Variants in CDH4 observed in about 807,000 individuals in gnomAD.
CDH4 encodes cadherin-4.
CDH4 carries 33 observed loss-of-function variants against 86.0 expected under a neutral mutation model. That is an observed-to-expected ratio of 0.38 (90% CI 0.29 to 0.51). CDH4 has a LOEUF of 0.51. Among genes scored for constraint, CDH4 ranks in the 20% least tolerant of loss-of-function variants. The probability of loss-of-function intolerance (pLI) is 0.86; values close to 1 mark genes in which losing one functional copy is unlikely to be tolerated. For synonymous variants in CDH4, 555 were observed against 549.4 expected, an observed-to-expected ratio of 1.01 and a Z score of -0.14; for missense variants, 1,114 against 1,307.4, an observed-to-expected ratio of 0.85 and a Z score of 2.28.
At chr20:61,258,759 C>G (rs1050055129) in intron 2 of CDH4, among the ~76,000 whole-genome samples, 3 of 152,210 alleles carry the variant, frequency 2.0e-5, no homozygotes, top group African/African-American at 7.2e-5. Context: ...TTTAGTGTGT[C>G]ATTTAGTGCC....
intron 2 of CDH4, among the ~76,000 whole-genome samples, chr20:61,522,612 C>T (rs908480062): frequency 1.3e-5 from 2 of 152,188 alleles, no homozygotes; most frequent in African/African-American, 4.8e-5. Context: ...TTAATTGATT[C>T]ATTTTCCCCC....
intron 6 of CDH4, among the ~76,000 whole-genome samples, chr20:61,870,612 C>T (rs1983761870): frequency 6.6e-6 from 1 of 152,180 alleles, no homozygotes; most frequent in South Asian, 2.1e-4. Flanking sequence ...ACAGGTTTCA[C>T]AGACGAAAAT....
intron 2 of CDH4, among the ~76,000 whole-genome samples, chr20:61,575,359 T>C (rs1330870276): frequency 6.6e-6 from 1 of 152,164 alleles, no homozygotes; most frequent in East Asian, 1.9e-4. Flanking sequence ...TACTTACGGG[T>C]TACACACAGC....
At chr20:61,662,148 C>G (rs6089458) in intron 2 of CDH4, among the ~76,000 whole-genome samples, 40,527 of 152,068 alleles carry the variant, frequency 0.27, 6,756 homozygotes, top group African/African-American at 0.48. Flanking sequence ...CCCAACTGAC[C>G]CCCCTAATCT....
At chr20:61,436,331 C>A (rs994367712) in intron 2 of CDH4, among the ~76,000 whole-genome samples, 1 of 152,200 alleles carries the variant, frequency 6.6e-6, no homozygotes, top group African/African-American at 2.4e-5. Flanking sequence ...AGCTCAGACC[C>A]CACAGGTTAA....
intron 2 of CDH4, among the ~76,000 whole-genome samples, chr20:61,712,639 C>T (rs2087905799): frequency 6.6e-6 from 1 of 152,186 alleles, no homozygotes; most frequent in Non-Finnish European, 1.5e-5. Flanking sequence ...ATCCTACAGG[C>T]ACATCCCTGG....
intron 2 of CDH4, among the ~76,000 whole-genome samples, chr20:61,512,981 G>A (rs2085791356): frequency 1.3e-5 from 2 of 152,228 alleles, no homozygotes; most frequent in African/African-American, 2.4e-5. Flanking sequence ...CAGAGCCCCC[G>A]TAGAGTTTTG....
intron 2 of CDH4, among the ~76,000 whole-genome samples, chr20:61,665,725 C>A (rs1483960901): frequency 1.3e-5 from 2 of 152,200 alleles, no homozygotes. Flanking sequence ...AGCTGTCTTA[C>A]AATACACGGG....
At chr20:61,385,904 AG>A (rs1172759358) in intron 2 of CDH4, among the ~76,000 whole-genome samples, 1 of 152,202 alleles carries the variant, frequency 6.6e-6, no homozygotes, top group African/African-American at 2.4e-5. Flanking sequence ...TGTAGATTGC[AG>A]CTGCGGTTCA....
At chr20:61,592,892 T>C (rs1345963599) in intron 2 of CDH4, among the ~76,000 whole-genome samples, 2 of 152,202 alleles carry the variant, frequency 1.3e-5, no homozygotes, top group African/African-American at 4.8e-5. Context: ...CCTGTGAATA[T>C]GGCATGTGAT....
At chr20:61,455,661 G>A (rs1244878799) in intron 2 of CDH4, among the ~76,000 whole-genome samples, 2 of 152,126 alleles carry the variant, frequency 1.3e-5, no homozygotes, top group Admixed American at 1.3e-4. Flanking sequence ...TCACTGCCCC[G>A]GCCTGTGCCC....
At chr20:61,634,743 G>A (rs940260629) in intron 2 of CDH4, among the ~76,000 whole-genome samples, 22 of 152,176 alleles carry the variant, frequency 1.4e-4, no homozygotes, top group African/African-American at 4.6e-4. Context: ...ATAGCTGTGC[G>A]GACATCACCT....
intron 2 of CDH4, among the ~76,000 whole-genome samples, chr20:61,431,181 T>G (rs1265113731): frequency 1.3e-5 from 2 of 152,198 alleles, no homozygotes; most frequent in African/African-American, 4.8e-5. Context: ...ATTTTAACTT[T>G]AAAACTTATC....
At chr20:61,673,977 T>C (rs1044271174) in intron 2 of CDH4, among the ~76,000 whole-genome samples, 5 of 152,172 alleles carry the variant, frequency 3.3e-5, no homozygotes, top group Non-Finnish European at 5.9e-5. Context: ...TCTTAACATA[T>C]ATCTTAAGAG....
intron 2 of CDH4, among the ~76,000 whole-genome samples, chr20:61,380,193 A>G (rs1472749858): frequency 6.6e-6 from 1 of 152,198 alleles, no homozygotes; most frequent in Non-Finnish European, 1.5e-5. Context: ...CTATTTATTC[A>G]TTGTAATGAA....
intron 6 of CDH4, among the ~76,000 whole-genome samples, chr20:61,866,130 AT>A (rs981225818): frequency 2.6e-5 from 4 of 151,808 alleles, no homozygotes; most frequent in African/African-American, 9.7e-5. Flanking sequence ...GGCATGGGGG[AT>A]TTTGCCCAGA....
chr20:61,584,743 G>A (rs893425683), intron 2 of CDH4, among the ~76,000 whole-genome samples: 15 of 152,234 alleles, frequency 9.9e-5, no homozygotes, highest in African/African-American at 3.6e-4. Flanking sequence ...ACAGGATCAA[G>A]TTTAGGGGGA....
chr20:61,589,506 C>T (rs1484193673), intron 2 of CDH4, among the ~76,000 whole-genome samples: 2 of 152,162 alleles, frequency 1.3e-5, no homozygotes, highest in Non-Finnish European at 1.5e-5. Flanking sequence ...TATGATGTGC[C>T]TATCCTCACA....
intron 2 of CDH4, among the ~76,000 whole-genome samples, chr20:61,394,360 C>T (rs2085003669): frequency 6.6e-6 from 1 of 152,196 alleles, no homozygotes; most frequent in South Asian, 2.1e-4. Flanking sequence ...CGACCAGCGG[C>T]AGGTGAGCAG....
Sources: gnomAD v4.1 joint callset for allele counts (sites outside exome capture counted in the v4.1 genomes callset) on GRCh38, gnomAD v4.1.1 for gene constraint, MANE v1.5 for transcripts, NCBI Gene and HGNC (gene_info 2026-07-23, HGNC 2026-07-21) for gene names.